Variants in XRN1 observed in about 807,000 individuals in gnomAD.
XRN1 encodes the protein 5'-3' exoribonuclease 1.
XRN1 carries 67 observed loss-of-function variants against 222.3 expected under a neutral mutation model. The ratio of observed to expected loss-of-function variants is 0.30; its 90% CI spans 0.25 to 0.37. The LOEUF is 0.37. Among genes scored for constraint, XRN1 ranks in the 10% least tolerant of loss-of-function variants. The pLI is 1.00. For synonymous variants in XRN1, 643 were observed against 652.4 expected, an observed-to-expected ratio of 0.99 and a Z score of 0.22; for missense variants, 1,707 against 2,000.2, an observed-to-expected ratio of 0.85 and a Z score of 2.80.
intron 31 of XRN1, 87 bp from the exon 32 acceptor site, chr3:142,355,583 G>T: frequency 1.1e-6 from 1 of 887,562 alleles, no homozygotes; most frequent in Non-Finnish European, 1.7e-6. Flanking sequence ...ATCTATTAAT[G>T]TTATTCAGTG....
Position 142,447,966 on chromosome 3 carries a change from C to T in XRN1, c.-22G>A. 1 of 1,612,084 alleles carries T rather than the reference C, an allele frequency of 6.2e-7. No individual in the cohort carries two copies. The highest frequency in any genetic ancestry group is 8.5e-7 in the Non-Finnish European group (1 of 1,179,176). ...CCATTTCGATCGTCAACACTAATCC[C>T]AGTCAGGGCCAAACCGAAACCAAAC... On this transcript the variant is annotated 5_prime_UTR_variant, in exon 1 of 41. Transcript: ENST00000392981. The surrounding 1 kb of genome is among the most constrained non-coding windows in gnomAD (Gnocchi z 4.2).
At chr3:142,316,874 C>A (rs572433959) in intron 39 of XRN1, among the ~76,000 whole-genome samples, 8 of 151,856 alleles carry the variant, frequency 5.3e-5, no homozygotes, top group Non-Finnish European at 1.2e-4. Context: ...TTGAGACCAG[C>A]CTGGGCAACA....
chr3:142,407,864 C>T (rs1406735247), intron 15 of XRN1: 1 of 152,206 alleles, frequency 6.6e-6, no homozygotes, highest in Admixed American at 6.5e-5. Flanking sequence ...GTTTCATTAT[C>T]AGCCTGCCAT....
intron 27 of XRN1, among the ~76,000 whole-genome samples, chr3:142,367,544 C>CT (rs746614099): frequency 1.6e-4 from 24 of 148,858 alleles, no homozygotes; most frequent in Admixed American, 2.7e-4. Flanking sequence ...AAAACTGACT[C>CT]TTTTTTTTTT....
At chr3:142,339,210 T>C (rs2065921960) in intron 33 of XRN1, among the ~76,000 whole-genome samples, 1 of 152,062 alleles carries the variant, frequency 6.6e-6, no homozygotes, top group South Asian at 2.1e-4. Context: ...TGTCACCCCA[T>C]CCCCAAGCCC....
At chr3:142,437,957 T>C (rs548345946) in intron 1 of XRN1, among the ~76,000 whole-genome samples, 1 of 152,272 alleles carries the variant, frequency 6.6e-6, no homozygotes, top group South Asian at 2.1e-4. Context: ...TCAACATCAC[T>C]GATCATCAGA....
Position 142,447,999 on chromosome 3 carries a change from C to T in XRN1, c.-55G>A, listed in dbSNP as rs1285469641. 5.7e-6 allele frequency: 9 copies of T among 1,582,114 alleles called. No individual in the cohort carries two copies. Among genetic ancestry groups the T allele is most frequent in the South Asian group, 1.1e-5 (1 of 90,020 alleles). On this transcript the variant is annotated 5_prime_UTR_variant, in exon 1 of 41. Coordinates refer to ENST00000392981, the MANE Select transcript of XRN1 (RefSeq NM_001282857.2). The surrounding 1 kb of genome is among the most constrained non-coding windows in gnomAD (Gnocchi z 4.2). Reference sequence around the variant, plus strand: ...GCCAAACCGAAACCAAACGCCCCGCCGGGGCTCCGCCGCAGCCTCCGGTCG... The same window carrying T: ...GCCAAACCGAAACCAAACGCCCCGCTGGGGCTCCGCCGCAGCCTCCGGTCG...
intron 31 of XRN1, among the ~76,000 whole-genome samples, chr3:142,356,262 C>T (rs940203466): frequency 1.3e-5 from 2 of 152,068 alleles, no homozygotes; most frequent in Non-Finnish European, 2.9e-5. Flanking sequence ...AAAATAGGCA[C>T]CAAATTTTGA....
chr3:142,447,010 T>TAAAA lies in XRN1; in HGVS notation c.75+859_75+860insTTTT, dbSNP rs10680676. Among the ~76,000 whole-genome samples, 15 of 151,936 alleles carry TAAAA rather than the reference T, an allele frequency of 9.9e-5. No individual in the cohort carries two copies. The highest frequency in any genetic ancestry group is 3.6e-4 in the African/African-American group (15 of 41,266). On this transcript the variant is annotated intron_variant, in intron 1 of 40. Transcript: ENST00000392981. The surrounding 1 kb of genome is among the most constrained non-coding windows in gnomAD (Gnocchi z 4.2). ...TTTCTGTAAAGCATCAGAAAAGAGATCAAATTCATTAAATGTGACAAACAC... is the reference window on the plus strand; with the variant it reads ...TTTCTGTAAAGCATCAGAAAAGAGATAAAACAAATTCATTAAATGTGACAAACAC...
chr3:142,425,116 T>C, intron 5 of XRN1, 106 bp downstream of exon 5: 1 of 699,192 alleles, frequency 1.4e-6, no homozygotes, highest in Non-Finnish European at 2.2e-6. Flanking sequence ...CATTATTGTG[T>C]CTCCAATATT....
chr3:142,364,451 T>G (rs941085189), intron 29 of XRN1, among the ~76,000 whole-genome samples: 1 of 152,200 alleles, frequency 6.6e-6, no homozygotes, highest in African/African-American at 2.4e-5. Context: ...ATTTTTTTTT[T>G]CACCATCTTA....
chr3:142,341,065 C>T (rs555772634), intron 33 of XRN1, among the ~76,000 whole-genome samples: 1 of 151,678 alleles, frequency 6.6e-6, no homozygotes, highest in African/African-American at 2.4e-5. Context: ...ACTGATGAAC[C>T]AATGAAAAAA....
chr3:142,400,369 A>G, intron 19 of XRN1, 75 bp downstream of exon 19: 2 of 1,262,128 alleles, frequency 1.6e-6, no homozygotes, highest in Non-Finnish European at 2.2e-6. Context: ...TCAGTTAAAA[A>G]AATGAATCAA....
chr3:142,404,794 T>A, intron 16 of XRN1, 113 bp downstream of exon 16: 3 of 997,392 alleles, frequency 3.0e-6, no homozygotes, highest in Non-Finnish European at 3.0e-6. Context: ...ATAACTGTCA[T>A]AAACTATTTG....
At chr3:142,313,047 T>C in intron 39 of XRN1, 1 of 1,428,426 alleles carries the variant, frequency 7.0e-7, no homozygotes, top group Non-Finnish European at 9.6e-7. Flanking sequence ...TATTTGCAAT[T>C]ATATTTATAA....
At chr3:142,335,220 C>T (rs912311869) in intron 34 of XRN1, among the ~76,000 whole-genome samples, 3 of 152,004 alleles carry the variant, frequency 2.0e-5, no homozygotes, top group Admixed American at 2.0e-4. Flanking sequence ...TCAAGGCCAC[C>T]CAACTATTAA....
chr3:142,384,731 A>G, intron 20 of XRN1, 46 bp from the exon 21 acceptor site: 1 of 1,389,628 alleles, frequency 7.2e-7, no homozygotes, highest in South Asian at 1.5e-5. Flanking sequence ...ATGAGTATGC[A>G]GATATTCTAG....
chr3:142,446,980 CT>C (rs2070533618), intron 1 of XRN1, among the ~76,000 whole-genome samples: 2 of 151,868 alleles, frequency 1.3e-5, no homozygotes, highest in African/African-American at 4.9e-5. Context: ...AAATTTCAAG[CT>C]TTTTTTCTGT....
chr3:142,375,139 T>C (rs1042021275), intron 25 of XRN1, among the ~76,000 whole-genome samples: 1 of 152,170 alleles, frequency 6.6e-6, no homozygotes, highest in Non-Finnish European at 1.5e-5. Context: ...CCAGAACTGG[T>C]TGAGACAATA....
Sources: allele counts gnomAD v4.1 joint callset (sites outside exome capture counted in the v4.1 genomes callset), GRCh38; gene constraint gnomAD v4.1.1; non-coding constraint Gnocchi (gnomAD v3.1); transcripts MANE v1.5; gene names NCBI Gene and HGNC (gene_info 2026-07-23, HGNC 2026-07-21).